The following PPP2R2B variants were observed in gnomAD, a reference collection of about 807,000 sequenced individuals.
PPP2R2B encodes the protein protein phosphatase 2 regulatory subunit Bbeta.
In PPP2R2B, 5 loss-of-function variants were observed where a neutral mutation model predicts 46.0. The ratio of observed to expected loss-of-function variants is 0.11; its 90% CI spans 0.06 to 0.23. The LOEUF is 0.23. Among genes scored for constraint, PPP2R2B ranks in the 10% least tolerant of loss-of-function variants. PPP2R2B has a pLI of 1.00. For missense variants in PPP2R2B, 367 were observed against 575.0 expected (o/e 0.64, Z 3.70); for synonymous variants, 215 against 206.7 (o/e 1.04, Z -0.34).
intron 2 of PPP2R2B, among the ~76,000 whole-genome samples, chr5:147,077,293 C>CACACACAG (rs1554091177): frequency 8.8e-5 from 13 of 147,456 alleles, no homozygotes; most frequent in African/African-American, 2.8e-4. Context: ...CACACACACA[C>CACACACAG]ACACACACAC....
At chr5:146,978,070 A>C (rs1752999729) in intron 1 of PPP2R2B, among the ~76,000 whole-genome samples, 1 of 152,186 alleles carries the variant, frequency 6.6e-6, no homozygotes, top group Non-Finnish European at 1.5e-5. Flanking sequence ...TCACCATTCT[A>C]ACTGGCATGA....
At chr5:146,946,704 A>G (rs1433579628) in intron 1 of PPP2R2B, among the ~76,000 whole-genome samples, 3 of 152,140 alleles carry the variant, frequency 2.0e-5, no homozygotes, top group Non-Finnish European at 4.4e-5. Flanking sequence ...GAAGCTAACC[A>G]GAGGTCTTGA....
At chr5:147,078,243 T>C (rs924776341) in intron 2 of PPP2R2B, among the ~76,000 whole-genome samples, 1 of 152,240 alleles carries the variant, frequency 6.6e-6, no homozygotes, top group African/African-American at 2.4e-5. Context: ...TTACAAAGTA[T>C]TGAGCACTGA....
At chr5:146,891,041 A>G (rs1368597399) in intron 1 of PPP2R2B, among the ~76,000 whole-genome samples, 3 of 152,228 alleles carry the variant, frequency 2.0e-5, no homozygotes, top group Admixed American at 2.0e-4. Context: ...TTACAGTGCT[A>G]TCATGTCCCC....
intron 2 of PPP2R2B, among the ~76,000 whole-genome samples, chr5:146,758,086 G>C (rs1245001477): frequency 6.6e-6 from 1 of 152,126 alleles, no homozygotes; most frequent in Non-Finnish European, 1.5e-5. Context: ...TCACATTATG[G>C]TTCTGTTTAT....
At chr5:146,818,706 G>T (rs1758080349) in intron 2 of PPP2R2B, among the ~76,000 whole-genome samples, 1 of 152,128 alleles carries the variant, frequency 6.6e-6, no homozygotes, top group South Asian at 2.1e-4. Context: ...AGACTAAGTA[G>T]CTTGGCTAAG....
At chr5:147,045,608 C>A (rs371035075) in intron 1 of PPP2R2B, among the ~76,000 whole-genome samples, 2 of 152,146 alleles carry the variant, frequency 1.3e-5, no homozygotes, top group African/African-American at 4.8e-5. Flanking sequence ...ATTCTCCTCA[C>A]AGCAGTCCCA....
intron 2 of PPP2R2B, among the ~76,000 whole-genome samples, chr5:146,866,629 C>CATAT (rs34698553): frequency 6.6e-6 from 1 of 151,476 alleles, no homozygotes; most frequent in East Asian, 1.9e-4. Flanking sequence ...CAGATACATA[C>CATAT]ATATATATAC....
intron 2 of PPP2R2B, among the ~76,000 whole-genome samples, chr5:146,753,595 C>T (rs1272834777): frequency 6.6e-6 from 1 of 152,030 alleles, no homozygotes; most frequent in Non-Finnish European, 1.5e-5. Flanking sequence ...CAGCCAAGGA[C>T]ACTTGGCAGC....
chr5:147,037,403 T>G (rs1297086696), intron 1 of PPP2R2B, among the ~76,000 whole-genome samples: 2 of 149,952 alleles, frequency 1.3e-5, no homozygotes, highest in Admixed American at 6.7e-5. Context: ...GACAAAGGGG[T>G]GTGTGTGTGT....
chr5:147,079,096 A>G (rs1017008232), intron 2 of PPP2R2B, among the ~76,000 whole-genome samples: 5 of 151,974 alleles, frequency 3.3e-5, no homozygotes, highest in Non-Finnish European at 5.9e-5. Flanking sequence ...TGGGATTGAT[A>G]ATTTTCTATC....
intron 1 of PPP2R2B, among the ~76,000 whole-genome samples, chr5:146,937,727 C>G (rs527384865): frequency 1.4e-3 from 220 of 152,114 alleles, no homozygotes; most frequent in Non-Finnish European, 2.6e-3. Flanking sequence ...AGCTGCAGGT[C>G]GCTCGGTACA....
intron 1 of PPP2R2B, among the ~76,000 whole-genome samples, chr5:147,010,611 G>A (rs184282076): frequency 1.3e-5 from 2 of 152,260 alleles, no homozygotes; most frequent in Admixed American, 1.3e-4. Flanking sequence ...GATCTGAAAG[G>A]AGGTGGAGCT....
chr5:146,846,659 CAGAG>C (rs778160788), intron 2 of PPP2R2B, among the ~76,000 whole-genome samples: 47 of 151,152 alleles, frequency 3.1e-4, no homozygotes, highest in Non-Finnish European at 5.7e-4. Flanking sequence ...GCCTGGGCAA[CAGAG>C]AGAGACTCTG....
rs369226679 is a variant in PPP2R2B at position 146,691,226 on chromosome 5, G to A, written c.349C>T (p.Leu117=). The A allele has an allele frequency of 1.0e-4, 163 of 1,613,822 alleles. No homozygotes were observed. Among genetic ancestry groups the A allele is most frequent in the Non-Finnish European group, 1.2e-4 (140 of 1,180,002 alleles). The change falls in exon 5 of 10, where the codon CTG becomes TTG. Residue 117 remains leucine (L), a synonymous_variant. Transcript: ENST00000394411. ...TTATCACGCTCGCTGACTTTCCACA[G>A]CTTCACAGTTTTATCTGTAGTGGGC... ...LLSTNDKTVK[L]WKVSERDKRP...
chr5:146,962,413 C>T (rs377323975), intron 1 of PPP2R2B, among the ~76,000 whole-genome samples: 1 of 151,810 alleles, frequency 6.6e-6, no homozygotes, highest in South Asian at 2.1e-4. Flanking sequence ...AATCCTAGCA[C>T]TTTGGGAGAC....
chr5:146,729,333 G>A (rs2151203470), intron 2 of PPP2R2B, among the ~76,000 whole-genome samples: 1 of 152,324 alleles, frequency 6.6e-6, no homozygotes, highest in Non-Finnish European at 1.5e-5. Context: ...GGTGATGTCA[G>A]TACTGTTAAA....
rs1486768225 is a variant in PPP2R2B at position 146,587,870 on chromosome 5, T to C, written c.*2077A>G. The C allele has an allele frequency of 2.0e-5, 3 of 152,192 alleles. No individual in the cohort carries two copies. Among genetic ancestry groups the C allele is most frequent in the Non-Finnish European group, 4.4e-5 (3 of 68,038 alleles). The allele number at this position is 152,192 out of a possible 1,614,324, so 9.4% of individuals were successfully genotyped here. On this transcript the variant is annotated 3_prime_UTR_variant, in exon 10 of 10. Transcript: ENST00000394411. Reference sequence around the variant, plus strand: ...AATGTTACATGAGTAATAGTACAAATGTGAGTTGATTCTTAAGTTTGAGAT... The same window carrying C: ...AATGTTACATGAGTAATAGTACAAACGTGAGTTGATTCTTAAGTTTGAGAT...
At chr5:146,911,466 T>A (rs895342743) in intron 1 of PPP2R2B, among the ~76,000 whole-genome samples, 2 of 152,196 alleles carry the variant, frequency 1.3e-5, no homozygotes, top group Non-Finnish European at 2.9e-5. Flanking sequence ...TGCCACTAGA[T>A]GCTAAGTTAG....
Sources: allele counts gnomAD v4.1 joint callset (sites outside exome capture counted in the v4.1 genomes callset), GRCh38; gene constraint gnomAD v4.1.1; transcripts MANE v1.5; gene names NCBI Gene and HGNC (gene_info 2026-07-23, HGNC 2026-07-21).